CEP128: variants seen among roughly 807,000 people sequenced by gnomAD.
CEP128 encodes the protein centrosomal protein 128kDa.
A neutral mutation model predicts 156.7 loss-of-function variants in CEP128; 132 were observed. That is an observed-to-expected ratio of 0.84 (90% CI 0.73 to 0.97). The LOEUF (loss-of-function observed/expected upper bound fraction) is 0.97, where lower values mean the gene tolerates loss of function less well. Ranked by LOEUF, CEP128 falls within the 50% of genes least tolerant of loss-of-function variation. The pLI is 0.00. For missense variants in CEP128, 1,252 were observed against 1,281.9 expected (o/e 0.98, Z 0.36); for synonymous variants, 469 against 448.9 (o/e 1.04, Z -0.57).
Position 80,842,979 on chromosome 14 carries a change from C to G in CEP128, c.763-2211G>C, listed in dbSNP as rs573661639. 2.0e-5 allele frequency among the ~76,000 whole-genome samples: 3 copies of G among 151,762 alleles called. No homozygotes were observed. The East Asian group carries it at 5.8e-4, about 29-fold the overall frequency. On this transcript the variant is annotated intron_variant, in intron 9 of 24. Transcript: ENST00000555265. The stretch of plus-strand genomic sequence containing the variant: ...CTTCTTTCCCTTAAGTGTGTCATAT[C>G]GTGTATTGTACTACTGCATTTCCTT...
chr14:80,641,947 G>A (rs1479961880), intron 19 of CEP128, among the ~76,000 whole-genome samples: 3 of 151,908 alleles, frequency 2.0e-5, no homozygotes, highest in African/African-American at 4.8e-5. Context: ...AAAATTAGCT[G>A]GGCGTGGTGG....
intron 13 of CEP128, among the ~76,000 whole-genome samples, chr14:80,797,151 C>G (rs768553152): frequency 1.2e-4 from 18 of 152,170 alleles, no homozygotes; most frequent in Non-Finnish European, 2.4e-4. Flanking sequence ...AACCCAGAAG[C>G]AAAGTAACTT....
intron 8 of CEP128, among the ~76,000 whole-genome samples, chr14:80,887,568 C>G (rs1226443102): frequency 1.3e-5 from 2 of 152,144 alleles, no homozygotes; most frequent in Non-Finnish European, 2.9e-5. Context: ...TCAAGAAGTT[C>G]TTTGAAACCA....
At chr14:80,874,434 A>C (rs1474144408) in intron 8 of CEP128, among the ~76,000 whole-genome samples, 2 of 151,888 alleles carry the variant, frequency 1.3e-5, no homozygotes, top group South Asian at 4.2e-4. Flanking sequence ...ACTGCACCCC[A>C]GCCTGGGTGA....
At chr14:80,535,807 T>G (rs1192188999) in intron 21 of CEP128, among the ~76,000 whole-genome samples, 1 of 152,220 alleles carries the variant, frequency 6.6e-6, no homozygotes, top group Admixed American at 6.5e-5. Context: ...AAGGTAGACT[T>G]ACCATGTTCT....
intron 21 of CEP128, among the ~76,000 whole-genome samples, chr14:80,553,560 T>C (rs1733213810): frequency 6.6e-6 from 1 of 152,232 alleles, no homozygotes; most frequent in Admixed American, 6.5e-5. Context: ...CTTTAATACA[T>C]TTTGATACAT....
chr14:80,834,809 A>G (rs1458824593), intron 12 of CEP128, among the ~76,000 whole-genome samples: 1 of 152,234 alleles, frequency 6.6e-6, no homozygotes, highest in Non-Finnish European at 1.5e-5. Flanking sequence ...ATTCTGGGTC[A>G]AATGATACTT....
intron 14 of CEP128, among the ~76,000 whole-genome samples, chr14:80,480,977 AG>A (rs1396140883): frequency 6.6e-6 from 1 of 152,182 alleles, no homozygotes; most frequent in South Asian, 2.1e-4. Context: ...ACATGTCTCT[AG>A]GAAGTTCTAA....
rs534235435 is a variant in CEP128, at chr14:80,747,460, T to C, written c.2614-4193A>G. 2.0e-5 allele frequency among the ~76,000 whole-genome samples: 3 copies of C among 152,270 alleles called. No homozygotes were observed. In the South Asian group the frequency reaches 6.2e-4, roughly 32 times the overall value. On this transcript the variant is annotated intron_variant, in intron 18 of 24. Transcript: ENST00000555265. ...GGATGTATCATAATTTGGATGAAAC[T>C]TGAAAACATTCTGCTAAATGAAAGA...
At chr14:80,488,904 T>C (rs1045484192), downstream of CEP128, among the ~76,000 whole-genome samples, 1 of 147,898 alleles carries the variant, frequency 6.8e-6, no homozygotes, top group Admixed American at 7.0e-5. Context: ...AAACACCACA[T>C]GTTCTCACTC....
At position 80,497,116 on chromosome 14, in the gene CEP128, CAT is replaced by C. The variant is rs1249209089; in HGVS notation, c.*361_*362del. The C allele has an allele frequency of 5.8e-6, 1 of 172,382 alleles. No individual in the cohort carries two copies. The highest frequency in any genetic ancestry group is 1.2e-5 in the Non-Finnish European group (1 of 81,972). The allele number at this position is 172,382 out of a possible 1,614,324, so 10.7% of individuals were successfully genotyped here. A position where few individuals can be genotyped will look rare whatever the true frequency, so the allele number is the denominator to read the frequency against. ...GGCAACTTTTGCCTCAAGGGAAACT[CAT>C]TTTCCTTCTTTTTAGCCAGTAATTT... On this transcript the variant is annotated 3_prime_UTR_variant, in exon 25 of 25. Coordinates refer to ENST00000555265, the MANE Select transcript of CEP128 (RefSeq NM_152446.5).
At chr14:80,708,181 G>A (rs191375318) in intron 19 of CEP128, among the ~76,000 whole-genome samples, 116 of 152,130 alleles carry the variant, frequency 7.6e-4, no homozygotes, top group Non-Finnish European at 1.4e-3. Context: ...CATAAGAAGC[G>A]TTATTTACTG....
intron 13 of CEP128, among the ~76,000 whole-genome samples, chr14:80,826,092 C>T (rs573016005): frequency 5.7e-5 from 7 of 122,150 alleles, no homozygotes; most frequent in Admixed American, 1.0e-4. Context: ...GGTGACAGAG[C>T]GAGATTCTGT....
At chr14:80,692,701 T>TA (rs141502783) in intron 19 of CEP128, among the ~76,000 whole-genome samples, 11,741 of 152,226 alleles carry the variant, frequency 0.077, 626 homozygotes, top group South Asian at 0.23. Flanking sequence ...TTTCTAATTA[T>TA]AAAAAGATAG....
Position 80,672,433 on chromosome 14 carries a change from T to C in CEP128, c.2806+70642A>G, listed in dbSNP as rs568800519. ...TTGAAATAATCTAATTTCTATAAAATGCAGCCAAAAAGTTAACCAATCAAC... is the reference window on the plus strand; with the variant it reads ...TTGAAATAATCTAATTTCTATAAAACGCAGCCAAAAAGTTAACCAATCAAC... On this transcript the variant is annotated intron_variant, in intron 19 of 24. Coordinates refer to ENST00000555265, the MANE Select transcript of CEP128 (RefSeq NM_152446.5). 6.6e-5 allele frequency among the ~76,000 whole-genome samples: 10 copies of C among 152,054 alleles called. No homozygotes were observed. The South Asian group carries it at 1.9e-3, about 28-fold the overall frequency.
chr14:80,653,191 G>T (rs1894983453), intron 19 of CEP128, among the ~76,000 whole-genome samples: 1 of 152,102 alleles, frequency 6.6e-6, no homozygotes, highest in Non-Finnish European at 1.5e-5. Context: ...GTCGGGAGGT[G>T]GGTGGTAAGG....
intron 20 of CEP128, among the ~76,000 whole-genome samples, chr14:80,576,273 G>A (rs74064279): frequency 0.011 from 1,598 of 152,150 alleles, 33 homozygotes; most frequent in African/African-American, 0.036. Context: ...GATCTTGAGA[G>A]GAATGAAAAA....
chr14:80,737,372 C>G (rs1898588846), intron 19 of CEP128, among the ~76,000 whole-genome samples: 1 of 151,712 alleles, frequency 6.6e-6, no homozygotes, highest in Non-Finnish European at 1.5e-5. Context: ...CCACCACACT[C>G]CAGCCTGGGC....
intron 19 of CEP128, among the ~76,000 whole-genome samples, chr14:80,649,800 G>C (rs773431636): frequency 2.6e-5 from 4 of 152,152 alleles, no homozygotes; most frequent in Non-Finnish European, 5.9e-5. Context: ...CCAGTACCAT[G>C]CTGTTTTGGT....
Sources: allele counts gnomAD v4.1 joint callset (sites outside exome capture counted in the v4.1 genomes callset), GRCh38; gene constraint gnomAD v4.1.1; transcripts MANE v1.5; gene names NCBI Gene and HGNC (gene_info 2026-07-23, HGNC 2026-07-21).